The following PCDHGA7 variants were observed in gnomAD, a reference collection of about 807,000 sequenced individuals.
PCDHGA7 encodes the protein protocadherin gamma subfamily A, 7.
Under a neutral mutation model 58.3 loss-of-function variants are expected in PCDHGA7, and 44 were observed. That is an observed-to-expected ratio of 0.75 (90% CI 0.59 to 0.97). PCDHGA7 has a LOEUF of 0.97. Ranked by LOEUF, PCDHGA7 falls within the 50% of genes least tolerant of loss-of-function variation. PCDHGA7 has a pLI of 0.00. For synonymous variants in PCDHGA7, 516 were observed against 504.2 expected, an observed-to-expected ratio of 1.02 and a Z score of -0.31; for missense variants, 1,266 against 1,188.7, an observed-to-expected ratio of 1.06 and a Z score of -0.96.
Position 141,432,521 on chromosome 5 carries a change from G to C in PCDHGA7, c.2424+47198G>C. ...CCGCTCCGCAGAGCCCGGCTACCTG[G>C]TGACCAAGGTGGTGGCGGTGGACAG... On this transcript the variant is annotated intron_variant, in intron 1 of 3. Transcript: ENST00000518325. The surrounding 1 kb of genome is among the most constrained non-coding windows in gnomAD (Gnocchi z 6.0). 1.2e-6 allele frequency: 2 copies of C among 1,614,112 alleles called. No individual in the cohort carries two copies. The highest frequency in any genetic ancestry group is 1.7e-6 in the Non-Finnish European group (2 of 1,180,028).
In PCDHGA7 at chr5:141,486,574, C is replaced by T. The variant is rs1435813800; in HGVS notation, c.2425-8233C>T. On this transcript the variant is annotated intron_variant, in intron 1 of 3. Transcript: ENST00000518325. This position sits in a 1 kb window ranked among gnomAD's most constrained non-coding sequence, Gnocchi z 5.0. ...CACATGAGGTGTTTGTTCCTGAGAACAATCGCCCAGGGGACCTGCTTTGCT... is the reference window on the plus strand; with the variant it reads ...CACATGAGGTGTTTGTTCCTGAGAATAATCGCCCAGGGGACCTGCTTTGCT... The T allele has an allele frequency of 1.9e-6, 3 of 1,613,868 alleles. No homozygotes were observed. Among genetic ancestry groups the T allele is most frequent in the Non-Finnish European group, 2.5e-6 (3 of 1,180,002 alleles).
chr5:141,394,941 G>C lies in PCDHGA7; in HGVS notation c.2424+9618G>C, dbSNP rs1238884149. The C allele has an allele frequency of 3.1e-6, 5 of 1,613,748 alleles. No individual in the cohort carries two copies. The East Asian group carries it at 1.1e-4, about 36-fold the overall frequency. On this transcript the variant is annotated intron_variant, in intron 1 of 3. Coordinates refer to ENST00000518325, the MANE Select transcript of PCDHGA7 (RefSeq NM_018920.4). Reference sequence around the variant, plus strand: ...CTGTGTCTTCCTCGCCTTTGTCGCTGTGCTTCTGGGGCTCAGGCTGAGGCG... The same window carrying C: ...CTGTGTCTTCCTCGCCTTTGTCGCTCTGCTTCTGGGGCTCAGGCTGAGGCG...
Position 141,384,389 on chromosome 5 carries a change from AG to A in PCDHGA7, c.1495del (p.Ala499LeufsTer9). On this transcript the variant is annotated frameshift_variant, in exon 1 of 4. Transcript: ENST00000518325. LOFTEE classifies it high-confidence loss of function. ...TATTCCTTGGCCGAAGACACCATCC[AG>A]GGGGCTCCAGTGTCCTCCTATGTCT... ...ITYSLAEDTI[Q>X]GAPVSSYVSI... The A allele has an allele frequency of 1.2e-6, 2 of 1,613,942 alleles. No individual in the cohort carries two copies. Among genetic ancestry groups the A allele is most frequent in the South Asian group, 1.1e-5 (1 of 91,088 alleles).
In PCDHGA7 at chr5:141,485,079, A is replaced by C; in HGVS notation, c.2425-9728A>C. ...AACCGCGCCAGAGCTGGCGCGGGGA[A>C]AGGGAGATAGGTGTCTCCAGCTGCT... is the stretch of plus-strand genomic sequence containing the variant. On this transcript the variant is annotated intron_variant, in intron 1 of 3. Transcript: ENST00000518325. This position sits in a 1 kb window ranked among gnomAD's most constrained non-coding sequence, Gnocchi z 5.7. 1 of 949,456 alleles carries C rather than the reference A, an allele frequency of 1.1e-6. No individual in the cohort carries two copies. The highest frequency in any genetic ancestry group is 1.6e-6 in the Non-Finnish European group (1 of 614,758). 58.8% of individuals were successfully genotyped at this position (949,456 alleles called of 1,614,324 possible).
chr5:141,509,843 C>T (rs1596253565), intron 3 of PCDHGA7, among the ~76,000 whole-genome samples: 1 of 152,178 alleles, frequency 6.6e-6, no homozygotes, highest in African/African-American at 2.4e-5. Context: ...CTCCCATTCA[C>T]TCAGAACAGG....
At chr5:141,455,389 G>C (rs1190144149) in intron 1 of PCDHGA7, among the ~76,000 whole-genome samples, 1 of 152,114 alleles carries the variant, frequency 6.6e-6, no homozygotes, top group Non-Finnish European at 1.5e-5. Flanking sequence ...GAAGGAAGGA[G>C]CTCCCCCTTA....
In PCDHGA7 at chr5:141,390,005, G is replaced by A. The variant is rs886109174; in HGVS notation, c.2424+4682G>A. 2.5e-6 allele frequency: 4 copies of A among 1,613,860 alleles called. No individual in the cohort carries two copies. In the African/African-American group the frequency reaches 5.3e-5, roughly 22 times the overall value. ...TGCTCTTCCTCGTGGCCATGATTCT[G>A]GCCATTGCCTTGCGCCTGCGACGCT... On this transcript the variant is annotated intron_variant, in intron 1 of 3. Coordinates refer to ENST00000518325, the MANE Select transcript of PCDHGA7 (RefSeq NM_018920.4).
At chr5:141,467,352 C>A (rs2099142466) in intron 1 of PCDHGA7, among the ~76,000 whole-genome samples, 1 of 152,140 alleles carries the variant, frequency 6.6e-6, no homozygotes, top group South Asian at 2.1e-4. Context: ...TGCCCCCGGC[C>A]AAATCAACGT....
At chr5:141,409,567 G>T (rs974585499) in intron 1 of PCDHGA7, 2 of 1,613,896 alleles carry the variant, frequency 1.2e-6, no homozygotes, top group Non-Finnish European at 1.7e-6. Context: ...TCGACCAGAC[G>T]TCCTACGTGG....
In PCDHGA7 at chr5:141,491,771, G is replaced by C. The variant is rs760915700; in HGVS notation, c.2425-3036G>C. ...GGAGAAGCCGCCCGTCCTCATAAGG[G>C]ATTGAACTTGCATCCACTCCTCTCC... On this transcript the variant is annotated intron_variant, in intron 1 of 3. Coordinates refer to ENST00000518325, the MANE Select transcript of PCDHGA7 (RefSeq NM_018920.4). The surrounding 1 kb of genome is among the most constrained non-coding windows in gnomAD (Gnocchi z 6.9). 6.4e-7 allele frequency: 1 copy of C among 1,558,290 alleles called. No individual in the cohort carries two copies. Among genetic ancestry groups the C allele is most frequent in the Non-Finnish European group, 8.7e-7 (1 of 1,153,586 alleles).
intron 1 of PCDHGA7, chr5:141,433,253 G>T: frequency 7.1e-7 from 1 of 1,416,466 alleles, no homozygotes; most frequent in South Asian, 1.3e-5. Flanking sequence ...GAATGCAGCG[G>T]TACGATCATA....
chr5:141,488,705 G>T (rs1024064135), intron 1 of PCDHGA7, among the ~76,000 whole-genome samples: 1 of 152,200 alleles, frequency 6.6e-6, no homozygotes, highest in Non-Finnish European at 1.5e-5. Context: ...AGATTTTGCT[G>T]GTTCAAGCAA....
chr5:141,499,012 G>GGAAGGAAT, intron 2 of PCDHGA7, among the ~76,000 whole-genome samples: 1 of 147,618 alleles, frequency 6.8e-6, no homozygotes. Context: ...AAGGAAGGAA[G>GGAAGGAAT]GAAGGAAGGA....
chr5:141,496,839 A>G (rs2099771783), intron 2 of PCDHGA7, among the ~76,000 whole-genome samples: 1 of 151,484 alleles, frequency 6.6e-6, no homozygotes. Flanking sequence ...CAGAACTCAT[A>G]GGCTTCCAGA....
At chr5:141,393,479 C>A (rs375589587) in intron 1 of PCDHGA7, 1 of 1,613,940 alleles carries the variant, frequency 6.2e-7, no homozygotes, top group Non-Finnish European at 8.5e-7. Flanking sequence ...AGCCGCCTCG[C>A]TCTAGCACAG....
chr5:141,414,684 A>G (rs747750994), intron 1 of PCDHGA7: 6 of 1,613,806 alleles, frequency 3.7e-6, no homozygotes, highest in Non-Finnish European at 5.1e-6. Flanking sequence ...TCCAGGGGGT[A>G]CCTCTGTCCT....
Position 141,491,964 on chromosome 5 carries a change from C to A in PCDHGA7, c.2425-2843C>A. On this transcript the variant is annotated intron_variant, in intron 1 of 3. Transcript: ENST00000518325. The surrounding 1 kb of genome is among the most constrained non-coding windows in gnomAD (Gnocchi z 6.9). ...CCCCACCCCTACACTCAAAAAAGGC[C>A]GGGGCCTCCTTCGAGCTTCCGGTGA... The A allele has an allele frequency of 1.1e-6, 1 of 943,952 alleles. No homozygotes were observed. The highest frequency in any genetic ancestry group is 1.5e-6 in the Non-Finnish European group (1 of 671,094). 58.5% of individuals were successfully genotyped at this position (943,952 alleles called of 1,614,324 possible). A position where few individuals can be genotyped will look rare whatever the true frequency, so the allele number is the denominator to read the frequency against.
At chr5:141,389,538 G>C (rs772693461) in intron 1 of PCDHGA7, 1 of 1,613,186 alleles carries the variant, frequency 6.2e-7, no homozygotes, top group African/African-American at 1.3e-5. Flanking sequence ...GTTAGTGGAC[G>C]ACCGCAACGA....
At chr5:141,437,381 C>T (rs2097879875) in intron 1 of PCDHGA7, among the ~76,000 whole-genome samples, 1 of 152,222 alleles carries the variant, frequency 6.6e-6, no homozygotes, top group Non-Finnish European at 1.5e-5. Flanking sequence ...AGTCAGAAGA[C>T]ATTCATCCAC....
Sources: gnomAD v4.1 joint callset for allele counts (sites outside exome capture counted in the v4.1 genomes callset) on GRCh38, gnomAD v4.1.1 for gene constraint, Gnocchi (gnomAD v3.1) non-coding constraint, MANE v1.5 for transcripts, NCBI Gene and HGNC (gene_info 2026-07-23, HGNC 2026-07-21) for gene names.